Variants in ANKFN1 observed in about 807,000 individuals in gnomAD.
The protein encoded by ANKFN1 is ankyrin repeat and fibronectin type III domain containing 1, also known as ankyrin repeat and fibronectin type-III domain-containing protein 1.
In ANKFN1, 74 loss-of-function variants were observed where a neutral mutation model predicts 108.7. The observed-to-expected ratio is 0.68, with a 90% CI of 0.56 to 0.83. The LOEUF (loss-of-function observed/expected upper bound fraction) is 0.83, where lower values mean the gene tolerates loss of function less well. ANKFN1 is among the 40% of genes least tolerant of loss of function. ANKFN1 has a pLI of 0.00. For missense variants in ANKFN1, 1,505 were observed against 1,382.3 expected (o/e 1.09, Z -1.41); for synonymous variants, 547 against 516.2 (o/e 1.06, Z -0.81).
chr17:56,442,858 G>A lies in ANKFN1; in HGVS notation c.1024G>A (p.Val342Ile), dbSNP rs142678029. ...TGLTMGQQYFVQVSAYNMKGW... is the reference protein window; with the variant it reads ...TGLTMGQQYFIQVSAYNMKGW... ...TACTTTGCAGGGCCAACAGTATTTT[G>A]TTCAAGTCTCGGCTTACAATATGAA... Residue 342 changes from valine (V) to isoleucine (I), a missense_variant, in exon 10 of 21, where the codon GTT (valine) becomes ATT (isoleucine). Val to Ile is a conservative substitution (Grantham distance 29). Transcript: ENST00000682825. The A allele has an allele frequency of 5.0e-6, 8 of 1,613,594 alleles. No individual in the cohort carries two copies. The African/African-American group carries it at 8.0e-5, about 16-fold the overall frequency.
intron 3 of ANKFN1, among the ~76,000 whole-genome samples, chr17:56,263,899 T>C (rs2043582785): frequency 6.6e-6 from 1 of 152,178 alleles, no homozygotes; most frequent in Non-Finnish European, 1.5e-5. Context: ...AAAGACCCCT[T>C]CTAGGGGCCA....
intron 15 of ANKFN1, chr17:56,473,693 T>C (rs917763270): frequency 1.4e-5 from 2 of 147,592 alleles, no homozygotes; most frequent in Non-Finnish European, 3.0e-5. Flanking sequence ...TAGTGTATCA[T>C]GGATTATGTG....
At chr17:56,472,032 T>G (rs2145322424) in intron 15 of ANKFN1, 1 of 152,304 alleles carries the variant, frequency 6.6e-6, no homozygotes, top group Admixed American at 6.5e-5. Context: ...AGGGTGAATT[T>G]TATGGTATAT....
rs748898792 is a variant in ANKFN1, at chr17:56,092,266, A to ATTT, written c.288+45960_288+45962dup. Among the ~76,000 whole-genome samples the ATTT allele has an allele frequency of 9.1e-4, 101 of 111,346 alleles. 2 individuals carry two copies. Among genetic ancestry groups the ATTT allele is most frequent in the African/African-American group, 3.0e-3 (74 of 24,888 alleles). The allele number at this position is 111,346 out of a possible 152,430, so 73.0% of individuals were successfully genotyped here. ...ATGTAGGCACAGGGAGTGAGGTAGT[A>ATTT]TTTTTTTTTTTTTTTTTTTTTGAGA... On this transcript the variant is annotated intron_variant, in intron 4 of 12. Transcript: ENST00000635860.
chr17:56,161,175 A>G (rs1909625376), intron 1 of ANKFN1, among the ~76,000 whole-genome samples: 1 of 152,228 alleles, frequency 6.6e-6, no homozygotes. Flanking sequence ...GTTTTGCTGT[A>G]AGGATTAAAT....
At chr17:56,330,556 C>G (rs915916279) in intron 4 of ANKFN1, among the ~76,000 whole-genome samples, 1 of 152,186 alleles carries the variant, frequency 6.6e-6, no homozygotes, top group Non-Finnish European at 1.5e-5. Context: ...ATTTGCATAA[C>G]TGACTTCCTT....
chr17:56,479,554 A>G (rs1330677597), intron 16 of ANKFN1, among the ~76,000 whole-genome samples: 1 of 152,230 alleles, frequency 6.6e-6, no homozygotes, highest in Non-Finnish European at 1.5e-5. Context: ...AGTCTTGTCC[A>G]GTGTGATACT....
At position 56,382,769 on chromosome 17, in the gene ANKFN1, G is replaced by T. The variant is rs192420400; in HGVS notation, c.910+8055G>T. Among the ~76,000 whole-genome samples the T allele has an allele frequency of 6.0e-4, 91 of 152,314 alleles. 1 individual carries two copies. The East Asian group carries it at 0.015, about 25-fold the overall frequency. ...AATGGTAAAGGGATCAACTCAACAA[G>T]AAGAGCTAACTCTCCTAAATATATA... is the stretch of plus-strand genomic sequence containing the variant. On this transcript the variant is annotated intron_variant, in intron 8 of 20. Transcript: ENST00000682825.
chr17:56,428,038 G>A (rs2048627127), intron 8 of ANKFN1, among the ~76,000 whole-genome samples: 2 of 152,068 alleles, frequency 1.3e-5, no homozygotes, highest in South Asian at 4.2e-4. Flanking sequence ...TTCAAGACCA[G>A]CCTGGCCAAC....
At chr17:56,071,653 G>A (rs74325500) in intron 4 of ANKFN1, among the ~76,000 whole-genome samples, 267 of 152,166 alleles carry the variant, frequency 1.8e-3, no homozygotes, top group African/African-American at 6.3e-3. Flanking sequence ...TTTATAAAAG[G>A]ATATCTATTA....
At chr17:56,088,970 G>A (rs985056759) in intron 4 of ANKFN1, among the ~76,000 whole-genome samples, 2 of 151,242 alleles carry the variant, frequency 1.3e-5, no homozygotes, top group African/African-American at 4.9e-5. Context: ...ACAGCCAGTT[G>A]CTAGTGGCTC....
At chr17:56,087,668 C>T (rs9901612) in intron 4 of ANKFN1, among the ~76,000 whole-genome samples, 7,108 of 151,314 alleles carry the variant, frequency 0.047, 737 homozygotes, top group African/African-American at 0.16. Flanking sequence ...TTGTGATGGA[C>T]GTTCTGCTAG....
At chr17:56,322,390 T>C (rs2045397203) in intron 3 of ANKFN1, among the ~76,000 whole-genome samples, 1 of 152,180 alleles carries the variant, frequency 6.6e-6, no homozygotes, top group Non-Finnish European at 1.5e-5. Context: ...TCTTCCTGCT[T>C]CTGGGTTCTC....
At chr17:56,337,434 G>A (rs2045842769) in intron 4 of ANKFN1, among the ~76,000 whole-genome samples, 1 of 151,986 alleles carries the variant, frequency 6.6e-6, no homozygotes, top group African/African-American at 2.4e-5. Flanking sequence ...AACACCAAAA[G>A]CAATGGCAAC....
chr17:56,331,756 T>G (rs2144568203), intron 4 of ANKFN1, among the ~76,000 whole-genome samples: 1 of 152,256 alleles, frequency 6.6e-6, no homozygotes, highest in Non-Finnish European at 1.5e-5. Context: ...AGATAATTAT[T>G]ATTATATCTT....
intron 3 of ANKFN1, among the ~76,000 whole-genome samples, chr17:56,273,634 G>A (rs532545521): frequency 6.6e-6 from 1 of 152,008 alleles, no homozygotes; most frequent in South Asian, 2.1e-4. Context: ...ATTGAATAAA[G>A]AATATTACTG....
intron 7 of ANKFN1, among the ~76,000 whole-genome samples, chr17:56,373,304 C>G (rs1201473391): frequency 6.6e-6 from 1 of 152,198 alleles, no homozygotes; most frequent in South Asian, 2.1e-4. Flanking sequence ...ACACAGGCAA[C>G]CGAAAAGAAC....
rs532543897 is a variant in ANKFN1, at chr17:56,279,897, G to A, written c.54-46324G>A. ...ACTAAACCAGTGGTTCCCAAAGTTT[G>A]CTGCACACAAGAATCACCTTTTAAA... is the stretch of plus-strand genomic sequence containing the variant. On this transcript the variant is annotated intron_variant, in intron 3 of 20. Transcript: ENST00000682825. Among the ~76,000 whole-genome samples, 11 of 152,202 alleles carry A rather than the reference G, an allele frequency of 7.2e-5. No homozygotes were observed. In the East Asian group the frequency reaches 1.9e-3, roughly 27 times the overall value.
chr17:56,373,524 C>T (rs1486825384), intron 7 of ANKFN1, among the ~76,000 whole-genome samples: 3 of 152,096 alleles, frequency 2.0e-5, no homozygotes, highest in Non-Finnish European at 4.4e-5. Context: ...AACTAAACAA[C>T]AACAAAAAAA....
Sources: gnomAD v4.1 joint callset for allele counts (sites outside exome capture counted in the v4.1 genomes callset) on GRCh38, gnomAD v4.1.1 for gene constraint, MANE v1.5 for transcripts, NCBI Gene and HGNC (gene_info 2026-07-23, HGNC 2026-07-21) for gene names.